TMEM200C: variants seen among roughly 807,000 people sequenced by gnomAD.
TMEM200C encodes transmembrane protein 200C.
For missense variants in TMEM200C, 966 were observed against 699.9 expected, an observed-to-expected ratio of 1.38 and a Z score of -4.29; for synonymous variants, 462 against 324.7, an observed-to-expected ratio of 1.42 and a Z score of -4.55.
exon 3 of TMEM200C, chr18:5,883,240 A>G (rs979107310): frequency 1.3e-5 from 2 of 152,196 alleles, no homozygotes; most frequent in Admixed American, 6.5e-5. Context: ...GATTTTGAAG[A>G]AATCAAGTAA....
chr18:5,885,883 A>T (rs1473042238), exon 3 of TMEM200C: 1 of 152,174 alleles, frequency 6.6e-6, no homozygotes, highest in Non-Finnish European at 1.5e-5. Context: ...AATGAGTTTT[A>T]TTCCTCCCTT....
rs777647244 is a variant in TMEM200C at position 5,891,028 on chromosome 18, C to T, written c.1036G>A (p.Ala346Thr). The T allele has an allele frequency of 3.7e-5, 21 of 566,522 alleles. No individual in the cohort carries two copies. The South Asian group carries it at 4.0e-4, about 11-fold the overall frequency. 35.1% of individuals were successfully genotyped at this position (566,522 alleles called of 1,614,324 possible). ...GCCGGACTGCTGCAGCTGCTAGCGG[C>T]TGCGGCGGCGGTGGCAGCGGCGGCC... The change falls in exon 3 of 3, where the codon GCC (alanine) becomes ACC (threonine). Residue 346 changes from alanine (A) to threonine (T), a missense_variant. Physicochemically the swap from Ala to Thr is moderately conservative, Grantham distance 58 (BLOSUM62 0). Coordinates refer to ENST00000581347, the Ensembl canonical transcript of TMEM200C. This position sits in a 1 kb window ranked among gnomAD's most constrained non-coding sequence, Gnocchi z 4.7.
intron 2 of TMEM200C, among the ~76,000 whole-genome samples, chr18:5,892,427 T>G (rs1170230631): frequency 6.6e-6 from 1 of 152,320 alleles, no homozygotes; most frequent in East Asian, 1.9e-4. Context: ...CTTCTTCTCC[T>G]CGCTCCCCAC....
chr18:5,895,642 C>T (rs2095175544), intron 1 of TMEM200C, among the ~76,000 whole-genome samples, 120 bp from the exon 1 acceptor site: 1 of 148,248 alleles, frequency 6.7e-6, no homozygotes, highest in African/African-American at 2.5e-5. Flanking sequence ...CCCCCGCGTC[C>T]TCCGCCGCCC....
exon 3 of TMEM200C, chr18:5,883,971 TGTTA>T (rs1191220150): frequency 6.6e-6 from 1 of 152,180 alleles, no homozygotes; most frequent in Non-Finnish European, 1.5e-5. Flanking sequence ...GAATTTAGTT[TGTTA>T]GTTCTATGTA....
chr18:5,884,047 A>G (rs1353110292), exon 3 of TMEM200C: 5 of 152,172 alleles, frequency 3.3e-5, no homozygotes, highest in Non-Finnish European at 7.4e-5. Context: ...ATCATTAAAT[A>G]TAGAATGTAG....
exon 3 of TMEM200C, chr18:5,888,937 C>G (rs192061938): frequency 8.3e-4 from 127 of 152,350 alleles, no homozygotes; most frequent in African/African-American, 3.0e-3. Context: ...TGCACTCTGT[C>G]TACAGGACTA....
Position 5,891,655 on chromosome 18 carries a change from C to T in TMEM200C, c.409G>A (p.Ala137Thr), listed in dbSNP as rs1294257514. 1 of 1,613,780 alleles carries T rather than the reference C, an allele frequency of 6.2e-7. No homozygotes were observed. Among genetic ancestry groups the T allele is most frequent in the Non-Finnish European group, 8.5e-7 (1 of 1,179,824 alleles). The change falls in exon 3 of 3, where the codon GCA (alanine) becomes ACA (threonine). Residue 137 changes from alanine to threonine, a missense_variant. Ala to Thr is a moderately conservative substitution (Grantham distance 58). Transcript: ENST00000581347. The surrounding 1 kb of genome is among the most constrained non-coding windows in gnomAD (Gnocchi z 4.7). ...GAGGAGGACGGGGAGGCGGCTCGTG[C>T]TGGAGGCGTGCTCCTGGGCGCGCCC...
Position 5,895,535 on chromosome 18 carries a change from CCGCCCGGCTCGGCGGAGTCGGGGGG to C in TMEM200C, c.-545-80_-545-56del, listed in dbSNP as rs2095175257. 1 of 148,206 alleles carries C rather than the reference CCGCCCGGCTCGGCGGAGTCGGGGGG, an allele frequency of 6.7e-6. No homozygotes were observed. Among genetic ancestry groups the C allele is most frequent in the African/African-American group, 2.4e-5 (1 of 40,918 alleles). The allele number at this position is 148,206 out of a possible 1,614,324, so 9.2% of individuals were successfully genotyped here. ...ATTGCGGCAGGGTGGCGGTCGGGGC[CCGCCCGGCTCGGCGGAGTCGGGGGG>C]CGCCCCCGCCCCCGCCCCCCGCCCC... On this transcript the variant is annotated intron_variant, in intron 1 of 2. Transcript: ENST00000581347.
chr18:5,892,528 A>G (rs1798807166), intron 2 of TMEM200C, among the ~76,000 whole-genome samples: 1 of 152,170 alleles, frequency 6.6e-6, no homozygotes, highest in Non-Finnish European at 1.5e-5. Flanking sequence ...TAGGGACTCA[A>G]AGTAGTGGTT....
chr18:5,895,495 C>T (rs1204430959), intron 1 of TMEM200C: 1 of 149,406 alleles, frequency 6.7e-6, no homozygotes, highest in Non-Finnish European at 1.5e-5. Flanking sequence ...GAGACCGGAG[C>T]CATGACACAG....
Position 5,891,339 on chromosome 18 carries a change from G to T in TMEM200C, c.725C>A (p.Pro242His). 1.5e-6 allele frequency: 2 copies of T among 1,335,464 alleles called. No individual in the cohort carries two copies. The highest frequency in any genetic ancestry group is 6.4e-5 in the East Asian group (2 of 31,266). 82.7% of individuals were successfully genotyped at this position (1,335,464 alleles called of 1,614,324 possible). A position where few individuals can be genotyped will look rare whatever the true frequency, so the allele number is the denominator to read the frequency against. ...GAAGCCGTTGAGCGGTATGGCCCCG[G>T]GGGGCGCCGCGGCGGGGGCAGACGA... Residue 242 changes from proline (P) to histidine (H), a missense_variant, in exon 3 of 3, where the codon CCC becomes CAC. Physicochemically the swap from Pro to His is moderately conservative, Grantham distance 77. Coordinates refer to ENST00000581347, the Ensembl canonical transcript of TMEM200C. This position sits in a 1 kb window ranked among gnomAD's most constrained non-coding sequence, Gnocchi z 4.7.
Position 5,891,493 on chromosome 18 carries a change from G to T in TMEM200C, c.571C>A (p.Arg191=), listed in dbSNP as rs1175016761. ...TTGATGATTTTGGTCTTCTTGTCCC[G>T]GTTCTCGTGGAGGACCGCGTTTGCG... Residue 191 remains arginine, a synonymous_variant, in exon 3 of 3, where the codon CGG becomes AGG. Transcript: ENST00000581347. This position sits in a 1 kb window ranked among gnomAD's most constrained non-coding sequence, Gnocchi z 4.7. 1 of 1,604,516 alleles carries T rather than the reference G, an allele frequency of 6.2e-7. No homozygotes were observed. The highest frequency in any genetic ancestry group is 8.5e-7 in the Non-Finnish European group (1 of 1,175,754).
At chr18:5,890,594 C>A in exon 3 of TMEM200C, 2 of 1,047,550 alleles carry the variant, frequency 1.9e-6, no homozygotes, top group Non-Finnish European at 1.2e-6. Context: ...CCGCACTCCC[C>A]GGGGAGGGCG....
At chr18:5,892,813 T>C (rs1424444124) in intron 2 of TMEM200C, among the ~76,000 whole-genome samples, 3 of 152,202 alleles carry the variant, frequency 2.0e-5, no homozygotes, top group Non-Finnish European at 4.4e-5. Flanking sequence ...AGCAGAGATA[T>C]TGCAATACTC....
exon 3 of TMEM200C, chr18:5,888,438 G>T (rs1205941926): frequency 1.3e-5 from 2 of 152,152 alleles, no homozygotes; most frequent in Non-Finnish European, 2.9e-5. Context: ...TTCACTCTTT[G>T]CCAAGTTGTA....
At chr18:5,886,974 C>T (rs1308095404) in exon 3 of TMEM200C, 1 of 152,148 alleles carries the variant, frequency 6.6e-6, no homozygotes, top group Non-Finnish European at 1.5e-5. Flanking sequence ...CCATTATAAG[C>T]ACTTTACACA....
exon 3 of TMEM200C, chr18:5,890,503 C>T (rs768451423): frequency 1.9e-6 from 3 of 1,540,018 alleles, no homozygotes; most frequent in Admixed American, 1.9e-5. Context: ...CTCCCGGAGT[C>T]CCGCCTGGTG....
exon 3 of TMEM200C, chr18:5,886,792 C>G: frequency 6.7e-6 from 1 of 148,222 alleles, no homozygotes; most frequent in East Asian, 1.9e-4. Context: ...GTTATATAAC[C>G]CCCTAAGTCA....
Sources: allele counts gnomAD v4.1 joint callset (sites outside exome capture counted in the v4.1 genomes callset), GRCh38; gene constraint gnomAD v4.1.1; non-coding constraint Gnocchi (gnomAD v3.1); transcripts MANE v1.5; gene names NCBI Gene and HGNC (gene_info 2026-07-23, HGNC 2026-07-21).